Variants in GDF1 observed in about 807,000 individuals in gnomAD.
The protein encoded by GDF1 is growth differentiation factor 1.
Under a neutral mutation model 7.4 loss-of-function variants are expected in GDF1, and 8 were observed. That is an observed-to-expected ratio of 1.09 (90% CI 0.64 to 1.96). GDF1 has a LOEUF of 1.96. GDF1 is among the 30% of genes most tolerant of loss of function. The probability of loss-of-function intolerance (pLI) is 0.00; values close to 1 mark genes in which losing one functional copy is unlikely to be tolerated. For synonymous variants in GDF1, 311 were observed against 276.7 expected, an observed-to-expected ratio of 1.12 and a Z score of -1.23; for missense variants, 574 against 551.5, an observed-to-expected ratio of 1.04 and a Z score of -0.41.
At position 18,872,851 on chromosome 19, in the gene GDF1, G is replaced by A. The variant is rs1205382592; in HGVS notation, c.-312-2232C>T. On this transcript the variant is annotated intron_variant, in intron 6 of 7. Transcript: ENST00000247005. ...TTTAGTAGAGATGGGATTTCACCAC[G>A]TTGGCCAGGTTGGTCTCGAACTCCT... is the stretch of plus-strand genomic sequence containing the variant. Among the ~76,000 whole-genome samples, 6 of 152,050 alleles carry A rather than the reference G, an allele frequency of 3.9e-5. No individual in the cohort carries two copies. The East Asian group carries it at 5.8e-4, about 15-fold the overall frequency.
At chr19:18,885,686 ATT>A (rs920494581) in intron 2 of GDF1, among the ~76,000 whole-genome samples, 2 of 141,392 alleles carry the variant, frequency 1.4e-5, no homozygotes, top group Non-Finnish European at 3.1e-5. Flanking sequence ...TGCCTGGCTA[ATT>A]TTTTTTTTTT....
Position 18,894,637 on chromosome 19 carries a change from G to T in GDF1, c.-1073-1062C>A, listed in dbSNP as rs555947287. Among the ~76,000 whole-genome samples, 23 of 152,234 alleles carry T rather than the reference G, an allele frequency of 1.5e-4. No homozygotes were observed. The South Asian group carries it at 4.8e-3, about 32-fold the overall frequency. On this transcript the variant is annotated intron_variant, in intron 1 of 7. Transcript: ENST00000247005. ...TTCCCAGCTGGAAACTGGGAAGAAG[G>T]CAGGGGCAACAAGCAGGATAAAGAC...
At chr19:18,881,139 A>T (rs2056195332) in intron 3 of GDF1, among the ~76,000 whole-genome samples, 1 of 151,608 alleles carries the variant, frequency 6.6e-6, no homozygotes, top group African/African-American at 2.4e-5. Context: ...CCATGATGAG[A>T]CTTCCAGGTC....
chr19:18,871,223 A>ATTT (rs572877061), intron 6 of GDF1, among the ~76,000 whole-genome samples: 2 of 119,832 alleles, frequency 1.7e-5, no homozygotes, highest in African/African-American at 6.4e-5. Context: ...ACTCCCAGCA[A>ATTT]TTTTTTTTTT....
chr19:18,883,590 TG>T (rs1231134064), intron 3 of GDF1, among the ~76,000 whole-genome samples: 2 of 152,072 alleles, frequency 1.3e-5, no homozygotes, highest in African/African-American at 2.4e-5. Context: ...CTCGTTTGTA[TG>T]TGAAGGCTTT....
At position 18,880,300 on chromosome 19, in the gene GDF1, C is replaced by T; in HGVS notation, c.-597G>A. On this transcript the variant is annotated 5_prime_UTR_variant, in exon 4 of 8. It introduces an in-frame stop codon into an upstream open reading frame of the 5' UTR. Transcript: ENST00000247005. ...AGCTGAAGCCGAAGCTGAGGCAGCC[C>T]AAGTCTGCTGCCAAGGCATGCAGCC... The T allele has an allele frequency of 6.4e-7, 1 of 1,552,268 alleles. No individual in the cohort carries two copies. The highest frequency in any genetic ancestry group is 2.0e-5 in the Admixed American group (1 of 51,114).
In GDF1 at chr19:18,878,877, G is replaced by A. The variant is rs1390391874; in HGVS notation, c.-313+53C>T. ...TGGGGGCCTGCCCACGAACACGCTT[G>A]GACGGGTGACACTAAAGGAGGGAAC... is the stretch of plus-strand genomic sequence containing the variant. On this transcript the variant is annotated intron_variant, in intron 6 of 7. Transcript: ENST00000247005. This position sits in a 1 kb window ranked among gnomAD's most constrained non-coding sequence, Gnocchi z 4.6. 1.3e-6 allele frequency: 2 copies of A among 1,596,630 alleles called. No individual in the cohort carries two copies. The highest frequency in any genetic ancestry group is 1.7e-6 in the Non-Finnish European group (2 of 1,172,304).
At chr19:18,869,420 G>A (rs903852214) in intron 7 of GDF1, 30 bp from the exon 8 acceptor site, 1 of 1,524,294 alleles carries the variant, frequency 6.6e-7, no homozygotes, top group Non-Finnish European at 8.8e-7. Flanking sequence ...AACTCGGCTC[G>A]CGCTGCGTCC....
intron 1 of GDF1, 127 bp from the exon 2 acceptor site, chr19:18,893,702 C>T (rs959026379): frequency 5.5e-6 from 5 of 904,720 alleles, no homozygotes; most frequent in East Asian, 2.7e-5. Flanking sequence ...GTCCCCCATG[C>T]CCACAGCCAC....
chr19:18,891,115 CT>C (rs2056479676), intron 2 of GDF1, among the ~76,000 whole-genome samples: 1 of 148,716 alleles, frequency 6.7e-6, no homozygotes, highest in African/African-American at 2.5e-5. Context: ...CAGAGTGAGA[CT>C]GTCTCAAAAA....
At position 18,892,939 on chromosome 19, in the gene GDF1, CAG is replaced by C. The variant is rs551388663; in HGVS notation, c.-914+475_-914+476del. Among the ~76,000 whole-genome samples, 350 of 152,092 alleles carry C rather than the reference CAG, an allele frequency of 2.3e-3. 3 individuals are homozygous for C. The highest frequency in any genetic ancestry group is 0.019 in the Admixed American group (283 of 15,262). On this transcript the variant is annotated intron_variant, in intron 2 of 7. Transcript: ENST00000247005. The stretch of plus-strand genomic sequence containing the variant: ...TCTTTTTTTCTTTTCTTTTTTAATA[CAG>C]AGTCTCGCTCTGTTGCCCAGGCTGG...
intron 6 of GDF1, among the ~76,000 whole-genome samples, chr19:18,874,353 G>GGGTGCAGT: frequency 1.3e-5 from 2 of 152,248 alleles, no homozygotes; most frequent in East Asian, 3.9e-4. Context: ...ACCGCAGCTG[G>GGGTGCAGT]GGTGCAGTGG....
intron 4 of GDF1, 95 bp downstream of exon 4, chr19:18,880,179 C>T: frequency 7.5e-7 from 1 of 1,340,484 alleles, no homozygotes; most frequent in Non-Finnish European, 1.0e-6. Context: ...TCACCGGGCC[C>T]CGCCTCCTTC....
chr19:18,892,735 C>T (rs1437878846), intron 2 of GDF1, among the ~76,000 whole-genome samples: 3 of 152,044 alleles, frequency 2.0e-5, no homozygotes, highest in Non-Finnish European at 2.9e-5. Flanking sequence ...GTGCTGTTAC[C>T]GACACCTGGA....
At chr19:18,875,272 G>A (rs1248814733) in intron 6 of GDF1, among the ~76,000 whole-genome samples, 1 of 150,826 alleles carries the variant, frequency 6.6e-6, no homozygotes, top group Non-Finnish European at 1.5e-5. Context: ...CAGGCTGGGC[G>A]CGGTGGCTCA....
At position 18,878,700 on chromosome 19, in the gene GDF1, C is replaced by A; in HGVS notation, c.-313+230G>T. 7.3e-7 allele frequency: 1 copy of A among 1,368,776 alleles called. No homozygotes were observed. Among genetic ancestry groups the A allele is most frequent in the Non-Finnish European group, 9.5e-7 (1 of 1,057,464 alleles). 84.8% of individuals were successfully genotyped at this position (1,368,776 alleles called of 1,614,324 possible). ...CCTACCGCTGAGACCCTGCCTGTCG[C>A]CCTGCCTGCCCCTCCCCAGCCTCTC... On this transcript the variant is annotated intron_variant, in intron 6 of 7. Coordinates refer to ENST00000247005, the MANE Select transcript of GDF1 (RefSeq NM_001492.6). This position sits in a 1 kb window ranked among gnomAD's most constrained non-coding sequence, Gnocchi z 4.6.
rs950914591 is a variant in GDF1, at chr19:18,869,485, C to T, written c.326-95G>A. ...ACAGGGAGGAAGGTGAACGCTGGGG[C>T]TCGGGGCGCACCGTCTGTGGGAAGG... On this transcript the variant is annotated intron_variant, in intron 7 of 7. Coordinates refer to ENST00000247005, the MANE Select transcript of GDF1 (RefSeq NM_001492.6). 8.6e-6 allele frequency: 12 copies of T among 1,402,866 alleles called. No individual in the cohort carries two copies. The African/African-American group carries it at 1.6e-4, about 19-fold the overall frequency. The allele number at this position is 1,402,866 out of a possible 1,614,324, so 86.9% of individuals were successfully genotyped here.
At chr19:18,871,259 C>G (rs1183624745) in intron 6 of GDF1, among the ~76,000 whole-genome samples, 3 of 146,162 alleles carry the variant, frequency 2.1e-5, no homozygotes, top group Non-Finnish European at 3.0e-5. Context: ...CAGAATCTTG[C>G]TCTGTTGCCT....
intron 3 of GDF1, among the ~76,000 whole-genome samples, chr19:18,881,044 C>A (rs1477305923): frequency 2.6e-5 from 4 of 151,750 alleles, no homozygotes; most frequent in African/African-American, 9.7e-5. Flanking sequence ...GACCTCTGAC[C>A]CTCTATGACC....
Sources: gnomAD v4.1 joint callset for allele counts (sites outside exome capture counted in the v4.1 genomes callset) on GRCh38, gnomAD v4.1.1 for gene constraint, Gnocchi (gnomAD v3.1) non-coding constraint, MANE v1.5 for transcripts, NCBI Gene and HGNC (gene_info 2026-07-23, HGNC 2026-07-21) for gene names.